Variants in CADPS observed in about 807,000 individuals in gnomAD.
CADPS encodes calcium-dependent secretion activator 1.
In CADPS, 57 loss-of-function variants were observed where a neutral mutation model predicts 167.3. That is an observed-to-expected ratio of 0.34 (90% CI 0.28 to 0.42). The LOEUF (loss-of-function observed/expected upper bound fraction) is 0.42. CADPS is among the 20% of genes least tolerant of loss of function. The pLI, the probability that CADPS is intolerant of heterozygous loss-of-function variation, is 1.00. For synonymous variants in CADPS, 676 were observed against 635.3 expected (o/e 1.06, Z -0.96); for missense variants, 1,414 against 1,738.1 (o/e 0.81, Z 3.32).
At chr3:62,696,408 C>A (rs1319276171) in intron 3 of CADPS, among the ~76,000 whole-genome samples, 1 of 152,100 alleles carries the variant, frequency 6.6e-6, no homozygotes, top group Non-Finnish European at 1.5e-5. Flanking sequence ...GATACACCCT[C>A]TTTGCACCTC....
At chr3:62,470,853 T>C (rs1284229527) in intron 24 of CADPS, 1 of 152,012 alleles carries the variant, frequency 6.6e-6, no homozygotes, top group Non-Finnish European at 1.5e-5. Flanking sequence ...TGCGCGCTAT[T>C]TTGGGAGAAA....
At chr3:62,664,879 G>A (rs2074118389) in intron 3 of CADPS, among the ~76,000 whole-genome samples, 1 of 152,214 alleles carries the variant, frequency 6.6e-6, no homozygotes, top group African/African-American at 2.4e-5. Flanking sequence ...ATGAAGATGA[G>A]TAGGCAAGGT....
chr3:62,672,373 T>G (rs974717606), intron 3 of CADPS, among the ~76,000 whole-genome samples: 12 of 152,160 alleles, frequency 7.9e-5, no homozygotes, highest in East Asian at 5.8e-4. Flanking sequence ...TTTTGGAACG[T>G]GCATTTGCTC....
intron 24 of CADPS, among the ~76,000 whole-genome samples, chr3:62,469,377 A>C (rs9822841): frequency 0.015 from 2,306 of 152,270 alleles, 48 homozygotes; most frequent in African/African-American, 0.053. Context: ...GGGTATATAT[A>C]TATCAGTGGG....
At chr3:62,477,787 T>C (rs1389820000) in intron 23 of CADPS, among the ~76,000 whole-genome samples, 1 of 152,198 alleles carries the variant, frequency 6.6e-6, no homozygotes, top group Non-Finnish European at 1.5e-5. Context: ...ATCTTTTATA[T>C]ACGGAGTGAA....
chr3:62,492,234 G>T, intron 20 of CADPS, 56 bp downstream of exon 20: 2 of 1,462,604 alleles, frequency 1.4e-6, no homozygotes, highest in South Asian at 1.2e-5. Flanking sequence ...ACATCTTAGT[G>T]ATCTGTTTAT....
At chr3:62,618,073 A>T (rs1380531822) in intron 6 of CADPS, among the ~76,000 whole-genome samples, 1 of 152,052 alleles carries the variant, frequency 6.6e-6, no homozygotes, top group Non-Finnish European at 1.5e-5. Flanking sequence ...ATCTGACTCA[A>T]ATGACTCAAT....
chr3:62,467,322 G>T, intron 24 of CADPS: 3 of 1,257,224 alleles, frequency 2.4e-6, no homozygotes, highest in Non-Finnish European at 3.1e-6. Flanking sequence ...ACTTTCAGAA[G>T]GATGATTAAT....
intron 3 of CADPS, among the ~76,000 whole-genome samples, chr3:62,733,535 T>C (rs1281715697): frequency 6.6e-6 from 1 of 152,220 alleles, no homozygotes; most frequent in Non-Finnish European, 1.5e-5. Context: ...ATATATTACA[T>C]TCAAACTTCA....
intron 3 of CADPS, among the ~76,000 whole-genome samples, chr3:62,685,789 C>T (rs1248767708): frequency 2.0e-5 from 3 of 151,994 alleles, no homozygotes; most frequent in African/African-American, 7.3e-5. Context: ...CTAGATCCCT[C>T]GCATGTGCGG....
At chr3:62,469,099 C>T (rs1386228640) in intron 24 of CADPS, among the ~76,000 whole-genome samples, 1 of 152,098 alleles carries the variant, frequency 6.6e-6, no homozygotes, top group Non-Finnish European at 1.5e-5. Flanking sequence ...AATTATGCCT[C>T]AATTTAAATA....
chr3:62,783,584 C>T (rs893570903), intron 1 of CADPS, among the ~76,000 whole-genome samples: 2 of 152,012 alleles, frequency 1.3e-5, no homozygotes, highest in Non-Finnish European at 2.9e-5. Context: ...GTTGTGAGAC[C>T]TTAAGCAATT....
chr3:62,766,026 T>G lies in CADPS; in HGVS notation c.442-42A>C, dbSNP rs781316468. 46 of 1,394,750 alleles carry G rather than the reference T, an allele frequency of 3.3e-5. No individual in the cohort carries two copies. In the Middle Eastern group the frequency reaches 1.3e-3, roughly 38 times the overall value. 86.4% of individuals were successfully genotyped at this position (1,394,750 alleles called of 1,614,324 possible). The stretch of plus-strand genomic sequence containing the variant: ...AAGAGGGAAATGTGAGAACTTGTCC[T>G]AGACAAGGATCATGGATACTTTATG... On this transcript the variant is annotated intron_variant, in intron 1 of 29. Transcript: ENST00000383710.
chr3:62,417,900 T>C lies in CADPS; in HGVS notation c.3778-14715A>G, dbSNP rs138741428. Among the ~76,000 whole-genome samples, 49 of 152,034 alleles carry C rather than the reference T, an allele frequency of 3.2e-4. 1 individual carries two copies. The highest frequency in any genetic ancestry group is 1.1e-3 in the African/African-American group (47 of 41,490). On this transcript the variant is annotated intron_variant, in intron 28 of 29. Coordinates refer to ENST00000383710, the MANE Select transcript of CADPS (RefSeq NM_003716.4). ...TAAAAGTAGGCAGAGAACAATGACA[T>C]GTGCCTATAGTCTCAGCTACTTGGG...
intron 13 of CADPS, among the ~76,000 whole-genome samples, chr3:62,526,972 A>G (rs1441851755): frequency 6.6e-6 from 1 of 152,192 alleles, no homozygotes; most frequent in East Asian, 1.9e-4. Flanking sequence ...GTATGATCTA[A>G]AGACCAAATG....
chr3:62,805,966 T>C (rs1559710271), intron 1 of CADPS, among the ~76,000 whole-genome samples: 1 of 152,162 alleles, frequency 6.6e-6, no homozygotes, highest in Non-Finnish European at 1.5e-5. Flanking sequence ...CTGCAAACTA[T>C]GGGCTCCCTG....
intron 1 of CADPS, among the ~76,000 whole-genome samples, chr3:62,803,243 G>T (rs1027943304): frequency 5.3e-5 from 8 of 151,996 alleles, no homozygotes; most frequent in African/African-American, 1.9e-4. Flanking sequence ...TGAGACGAAT[G>T]ATCCTTGAAA....
chr3:62,867,670 A>G (rs538413231), intron 1 of CADPS, among the ~76,000 whole-genome samples: 69 of 152,196 alleles, frequency 4.5e-4, no homozygotes, highest in African/African-American at 1.7e-3. Flanking sequence ...TAATGAATAT[A>G]AGGCTTGTGA....
At chr3:62,841,924 A>G (rs143907075) in intron 1 of CADPS, among the ~76,000 whole-genome samples, 73 of 152,338 alleles carry the variant, frequency 4.8e-4, no homozygotes, top group Middle Eastern at 6.8e-3. Context: ...AGTGAAAGCT[A>G]TTGTTCACAT....
Sources: gnomAD v4.1 joint callset for allele counts (sites outside exome capture counted in the v4.1 genomes callset) on GRCh38, gnomAD v4.1.1 for gene constraint, MANE v1.5 for transcripts, NCBI Gene and HGNC (gene_info 2026-07-23, HGNC 2026-07-21) for gene names.